B3GALT1: variants seen among roughly 807,000 people sequenced by gnomAD.
B3GALT1 encodes beta-1,3-galactosyltransferase 1, also known as UDP-Gal:betaGlcNAc beta 1,3-galactosyltransferase, polypeptide 1.
B3GALT1 carries 10 observed loss-of-function variants against 23.2 expected under a neutral mutation model. The ratio of observed to expected loss-of-function variants is 0.43; its 90% CI spans 0.27 to 0.73. B3GALT1 has a LOEUF of 0.73. B3GALT1 is among the 30% of genes least tolerant of loss of function. The probability of loss-of-function intolerance (pLI) is 0.21; values close to 1 mark genes in which losing one functional copy is unlikely to be tolerated. For synonymous variants in B3GALT1, 156 were observed against 141.5 expected, an observed-to-expected ratio of 1.10 and a Z score of -0.73; for missense variants, 299 against 405.4, an observed-to-expected ratio of 0.74 and a Z score of 2.25.
intron 1 of B3GALT1, among the ~76,000 whole-genome samples, chr2:167,484,291 G>A (rs1699595928): frequency 6.6e-6 from 1 of 151,916 alleles, no homozygotes; most frequent in African/African-American, 2.4e-5. Flanking sequence ...AGTACTTTAT[G>A]TCAACAAAAA....
intron 1 of B3GALT1, among the ~76,000 whole-genome samples, chr2:167,357,223 C>T (rs1412677196): frequency 6.6e-6 from 1 of 151,638 alleles, no homozygotes; most frequent in African/African-American, 2.4e-5. Flanking sequence ...TTTTTTGTGC[C>T]TTTCAAGTTT....
At chr2:167,338,827 G>C (rs1697101284) in intron 1 of B3GALT1, among the ~76,000 whole-genome samples, 2 of 151,758 alleles carry the variant, frequency 1.3e-5, no homozygotes, top group South Asian at 4.2e-4. Flanking sequence ...GAAGAGGAAA[G>C]AGGTTTTGCA....
In B3GALT1 at chr2:167,570,850, C is replaced by G. The variant is rs1684279417; in HGVS notation, c.-409-76059C>G. The stretch of plus-strand genomic sequence containing the variant: ...CTAAAATCTTCTTTTTGGAGCCTCT[C>G]AGTACACATTAGCAAATCTACTTCT... On this transcript the variant is annotated intron_variant, in intron 2 of 4. Coordinates refer to ENST00000392690, the MANE Select transcript of B3GALT1 (RefSeq NM_020981.4). Among the ~76,000 whole-genome samples, 3 of 151,864 alleles carry G rather than the reference C, an allele frequency of 2.0e-5. No individual in the cohort carries two copies. In the South Asian group the frequency reaches 6.2e-4, roughly 31 times the overall value.
chr2:167,836,300 A>G (rs1689469554), intron 4 of B3GALT1, among the ~76,000 whole-genome samples: 2 of 152,158 alleles, frequency 1.3e-5, no homozygotes, highest in Non-Finnish European at 2.9e-5. Flanking sequence ...AAGAATGTAT[A>G]ACTAGAATAA....
At chr2:167,786,922 TTTTG>T (rs960155496) in intron 3 of B3GALT1, among the ~76,000 whole-genome samples, 1 of 151,978 alleles carries the variant, frequency 6.6e-6, no homozygotes, top group African/African-American at 2.4e-5. Flanking sequence ...AGTGGTGTGT[TTTTG>T]TTTGTTTGTT....
At chr2:167,384,870 A>G (rs1221379207) in intron 1 of B3GALT1, among the ~76,000 whole-genome samples, 1 of 151,934 alleles carries the variant, frequency 6.6e-6, no homozygotes, top group East Asian at 1.9e-4. Context: ...AAAACCCAAT[A>G]TCCTCCATCT....
chr2:167,610,300 G>A (rs796794339), intron 2 of B3GALT1, among the ~76,000 whole-genome samples: 20 of 152,174 alleles, frequency 1.3e-4, no homozygotes, highest in African/African-American at 2.9e-4. Context: ...AAATTTAACC[G>A]TGCTTAAAAT....
chr2:167,792,106 A>T (rs966157702), intron 3 of B3GALT1, among the ~76,000 whole-genome samples: 8 of 152,196 alleles, frequency 5.3e-5, no homozygotes, highest in Admixed American at 2.0e-4. Flanking sequence ...CTCTGACGGG[A>T]TCCTGGTTAT....
intron 3 of B3GALT1, among the ~76,000 whole-genome samples, chr2:167,745,445 G>T (rs1488216419): frequency 6.6e-6 from 1 of 152,056 alleles, no homozygotes; most frequent in Non-Finnish European, 1.5e-5. Flanking sequence ...TTCCTTCTAT[G>T]AAGTATATAA....
intron 3 of B3GALT1, among the ~76,000 whole-genome samples, chr2:167,738,642 A>G (rs6738262): frequency 0.58 from 87,537 of 151,946 alleles, 25,659 homozygotes; most frequent in Non-Finnish European, 0.64. Context: ...AAAAAATACC[A>G]TAAGATCCCT....
chr2:167,557,220 C>A (rs1443603568), intron 2 of B3GALT1, among the ~76,000 whole-genome samples: 1 of 151,794 alleles, frequency 6.6e-6, no homozygotes, highest in African/African-American at 2.4e-5. Flanking sequence ...TGATCAAAGA[C>A]ATTTTCATTT....
intron 2 of B3GALT1, among the ~76,000 whole-genome samples, chr2:167,545,676 G>A (rs1408940094): frequency 1.3e-5 from 2 of 151,976 alleles, no homozygotes; most frequent in African/African-American, 2.4e-5. Context: ...GGGTCCCCAG[G>A]GCACCCTCAC....
chr2:167,454,215 ACG>A (rs1325674493), intron 1 of B3GALT1, among the ~76,000 whole-genome samples: 1 of 148,922 alleles, frequency 6.7e-6, no homozygotes, highest in Non-Finnish European at 1.5e-5. Context: ...GTGTGTGCGC[ACG>A]CGCGCGTGCA....
chr2:167,811,874 C>T (rs1260143989), intron 3 of B3GALT1, among the ~76,000 whole-genome samples: 1 of 152,170 alleles, frequency 6.6e-6, no homozygotes, highest in Non-Finnish European at 1.5e-5. Context: ...GGTCAAGATG[C>T]CATCCTTTAA....
At chr2:167,436,623 T>C (rs1698790438) in intron 1 of B3GALT1, among the ~76,000 whole-genome samples, 1 of 152,196 alleles carries the variant, frequency 6.6e-6, no homozygotes, top group African/African-American at 2.4e-5. Flanking sequence ...CCTAGAACAG[T>C]ACATTTACTT....
At chr2:167,701,325 G>A (rs1235062160) in intron 3 of B3GALT1, among the ~76,000 whole-genome samples, 1 of 152,104 alleles carries the variant, frequency 6.6e-6, no homozygotes, top group Non-Finnish European at 1.5e-5. Flanking sequence ...GAGTTCCTGG[G>A]GAAGAGTCTT....
intron 1 of B3GALT1, among the ~76,000 whole-genome samples, chr2:167,460,834 G>A (rs1174842960): frequency 2.6e-5 from 4 of 152,188 alleles, no homozygotes; most frequent in Non-Finnish European, 5.9e-5. Context: ...GTACTAAACT[G>A]AAGTGTAAAC....
intron 2 of B3GALT1, among the ~76,000 whole-genome samples, chr2:167,570,138 T>A (rs982595580): frequency 1.6e-4 from 25 of 151,922 alleles, no homozygotes; most frequent in Admixed American, 3.9e-4. Flanking sequence ...TCTTACATTG[T>A]CTTTCTCAGT....
chr2:167,416,369 C>G (rs1179247162), intron 1 of B3GALT1, among the ~76,000 whole-genome samples: 1 of 152,190 alleles, frequency 6.6e-6, no homozygotes, highest in East Asian at 1.9e-4. Flanking sequence ...AGTCGTCAAC[C>G]TTAGTGGCAT....
Sources: allele counts gnomAD v4.1 joint callset (sites outside exome capture counted in the v4.1 genomes callset), GRCh38; gene constraint gnomAD v4.1.1; transcripts MANE v1.5; gene names NCBI Gene and HGNC (gene_info 2026-07-23, HGNC 2026-07-21).